JAK1: variants seen among roughly 807,000 people sequenced by gnomAD.
JAK1 encodes tyrosine-protein kinase JAK1.
In JAK1, 16 loss-of-function variants were observed where a neutral mutation model predicts 136.6. The ratio of observed to expected loss-of-function variants is 0.12; its 90% CI spans 0.08 to 0.18. The LOEUF is 0.18. JAK1 is among the 10% of genes least tolerant of loss of function. JAK1 has a pLI of 1.00. For synonymous variants in JAK1, 492 were observed against 519.5 expected, an observed-to-expected ratio of 0.95 and a Z score of 0.72; for missense variants, 859 against 1,450.1, an observed-to-expected ratio of 0.59 and a Z score of 6.62.
Position 64,911,517 on chromosome 1 carries a change from T to C in JAK1, c.-77-25176A>G, listed in dbSNP as rs1038192381. Among the ~76,000 whole-genome samples, 3 of 152,294 alleles carry C rather than the reference T, an allele frequency of 2.0e-5. No homozygotes were observed. The East Asian group carries it at 5.8e-4, about 29-fold the overall frequency. On this transcript the variant is annotated intron_variant, in intron 1 of 24. Coordinates refer to ENST00000342505, the MANE Select transcript of JAK1 (RefSeq NM_002227.4). ...ACATTGTCTCCGTTTTACAGATATG[T>C]AAATACATGCCAAAAAGATGACTGA...
chr1:65,061,267 T>C (rs1400316800), intron 1 of JAK1, among the ~76,000 whole-genome samples: 2 of 152,044 alleles, frequency 1.3e-5, no homozygotes, highest in South Asian at 2.1e-4. Context: ...AAAAATAGTA[T>C]GAGCAGGGCC....
chr1:64,839,877 C>A, intron 19 of JAK1, 82 bp from the exon 20 acceptor site: 4 of 1,230,232 alleles, frequency 3.3e-6, no homozygotes, highest in Non-Finnish European at 4.5e-6. Flanking sequence ...CTCCTCACAG[C>A]CGTTCCCCTG....
chr1:64,934,579 CT>C (rs1645755962), intron 1 of JAK1, among the ~76,000 whole-genome samples: 1 of 152,204 alleles, frequency 6.6e-6, no homozygotes, highest in East Asian at 1.9e-4. Flanking sequence ...AGAGTGCCCC[CT>C]CAACCTTGAC....
intron 10 of JAK1, among the ~76,000 whole-genome samples, chr1:64,856,895 C>T (rs1042910239): frequency 6.6e-6 from 1 of 152,180 alleles, no homozygotes; most frequent in African/African-American, 2.4e-5. Flanking sequence ...AAGGCCCCTC[C>T]GTGTCCCAGG....
At chr1:64,903,315 C>T (rs568335635) in intron 1 of JAK1, among the ~76,000 whole-genome samples, 1 of 152,334 alleles carries the variant, frequency 6.6e-6, no homozygotes, top group South Asian at 2.1e-4. Context: ...GTGTAAGCCA[C>T]CGCATCTGGC....
chr1:64,975,548 A>G (rs1202265639), intron 2 of JAK1, among the ~76,000 whole-genome samples: 1 of 152,164 alleles, frequency 6.6e-6, no homozygotes, highest in African/African-American at 2.4e-5. Flanking sequence ...AGGACAAACT[A>G]TGGCCAGTTC....
intron 2 of JAK1, among the ~76,000 whole-genome samples, chr1:65,015,862 G>T (rs1014198604): frequency 1.3e-5 from 2 of 152,078 alleles, no homozygotes; most frequent in Non-Finnish European, 2.9e-5. Flanking sequence ...ATATCCCAAA[G>T]AATAGAAAGC....
At chr1:64,939,002 G>T (rs1320997933) in intron 1 of JAK1, among the ~76,000 whole-genome samples, 2 of 152,074 alleles carry the variant, frequency 1.3e-5, no homozygotes, top group African/African-American at 4.8e-5. Flanking sequence ...TTGAGACAGG[G>T]TCTCACTTTG....
rs922425371 is a variant in JAK1, at chr1:64,996,054, C to CT, written c.-78+48425dup. On this transcript the variant is annotated intron_variant, in intron 2 of 25. Transcript: ENST00000671954. Reference sequence around the variant, plus strand: ...CACTGCGCCTGGCTGACATTGGGCTCTTTTTTTTTCTTTCCTTCAAAATAA... The same window carrying CT: ...CACTGCGCCTGGCTGACATTGGGCTCTTTTTTTTTTCTTTCCTTCAAAATAA... 1.1e-4 allele frequency among the ~76,000 whole-genome samples: 17 copies of CT among 151,600 alleles called. No homozygotes were observed. The South Asian group carries it at 2.3e-3, about 20-fold the overall frequency.
At chr1:65,006,534 T>A (rs1646805457) in intron 2 of JAK1, among the ~76,000 whole-genome samples, 1 of 152,144 alleles carries the variant, frequency 6.6e-6, no homozygotes, top group Admixed American at 6.6e-5. Flanking sequence ...ATTCGTTTAT[T>A]TTTTGTAGAG....
intron 7 of JAK1, among the ~76,000 whole-genome samples, chr1:64,866,044 G>A (rs1434469684): frequency 1.3e-5 from 2 of 152,210 alleles, no homozygotes; most frequent in African/African-American, 4.8e-5. Flanking sequence ...ACAGGTGTGA[G>A]CCACTGCACC....
chr1:65,054,130 A>G (rs1308891054), intron 1 of JAK1, among the ~76,000 whole-genome samples: 1 of 152,124 alleles, frequency 6.6e-6, no homozygotes, highest in Non-Finnish European at 1.5e-5. Context: ...ACCCACAGCT[A>G]ATAAAACATG....
intron 2 of JAK1, among the ~76,000 whole-genome samples, chr1:65,024,775 G>A (rs1646964407): frequency 1.3e-5 from 2 of 151,680 alleles, no homozygotes; most frequent in Non-Finnish European, 2.9e-5. Flanking sequence ...TCAGGAGTTT[G>A]AGACCAGCCT....
chr1:64,874,367 AT>A (rs768313728), intron 4 of JAK1, among the ~76,000 whole-genome samples: 115 of 148,308 alleles, frequency 7.8e-4, no homozygotes, highest in African/African-American at 1.4e-3. Context: ...TAGCACAGAA[AT>A]TTTTTTTTTT....
At chr1:64,905,433 T>C (rs1464792564) in intron 1 of JAK1, among the ~76,000 whole-genome samples, 1 of 152,192 alleles carries the variant, frequency 6.6e-6, no homozygotes, top group Non-Finnish European at 1.5e-5. Context: ...CAGTGTTAAA[T>C]TTTTTTAGTA....
At chr1:64,937,942 C>T (rs59653472) in intron 1 of JAK1, among the ~76,000 whole-genome samples, 36,778 of 151,634 alleles carry the variant, frequency 0.24, 5,798 homozygotes, top group East Asian at 0.53. Flanking sequence ...TGCAGTGGCG[C>T]GATCTCGGCT....
chr1:64,999,763 G>A (rs905219594), intron 2 of JAK1, among the ~76,000 whole-genome samples: 4 of 150,768 alleles, frequency 2.7e-5, no homozygotes, highest in African/African-American at 7.3e-5. Flanking sequence ...AAGTCTACTG[G>A]TTCTTCAGGA....
chr1:64,970,156 C>G (rs1160814322), upstream of JAK1, among the ~76,000 whole-genome samples: 1 of 18,248 alleles, frequency 5.5e-5, no homozygotes, highest in Non-Finnish European at 1.3e-4. Context: ...AAAAAAAAAA[C>G]GGCCGGGCAC....
chr1:64,836,993 T>C (rs1200570329), intron 22 of JAK1, among the ~76,000 whole-genome samples: 1 of 152,206 alleles, frequency 6.6e-6, no homozygotes. Flanking sequence ...CTGACCTCAC[T>C]GAGGTTCAGT....
Sources: allele counts gnomAD v4.1 joint callset (sites outside exome capture counted in the v4.1 genomes callset), GRCh38; gene constraint gnomAD v4.1.1; transcripts MANE v1.5; gene names NCBI Gene and HGNC (gene_info 2026-07-23, HGNC 2026-07-21).